Variants in SLC9A9 observed in about 807,000 individuals in gnomAD.
The protein encoded by SLC9A9 is sodium/hydrogen exchanger 9.
Under a neutral mutation model 77.8 loss-of-function variants are expected in SLC9A9, and 62 were observed. That is an observed-to-expected ratio of 0.80 (90% CI 0.65 to 0.98). The LOEUF (loss-of-function observed/expected upper bound fraction) is 0.98, where lower values mean the gene tolerates loss of function less well. SLC9A9 is among the 50% of genes least tolerant of loss of function. SLC9A9 has a pLI of 0.00. For synonymous variants in SLC9A9, 320 were observed against 283.5 expected (o/e 1.13, Z -1.29); for missense variants, 775 against 774.9 (o/e 1.00, Z 0.00).
intron 4 of SLC9A9, among the ~76,000 whole-genome samples, chr3:143,712,904 T>C (rs1478437410): frequency 2.0e-5 from 3 of 152,216 alleles, no homozygotes; most frequent in Non-Finnish European, 2.9e-5. Context: ...GTTCTTTGTA[T>C]TGGATCTTGG....
At chr3:143,609,449 G>A (rs1444498648) in intron 6 of SLC9A9, among the ~76,000 whole-genome samples, 1 of 151,974 alleles carries the variant, frequency 6.6e-6, no homozygotes, top group Non-Finnish European at 1.5e-5. Flanking sequence ...CTAGTATTTG[G>A]GCAGCAAGCT....
intron 14 of SLC9A9, among the ~76,000 whole-genome samples, chr3:143,295,218 T>C (rs2030210247): frequency 6.6e-6 from 1 of 152,212 alleles, no homozygotes; most frequent in Admixed American, 6.5e-5. Context: ...GAGTTCTGAG[T>C]AGCAACAATT....
At chr3:143,450,118 T>C (rs919050797) in intron 12 of SLC9A9, among the ~76,000 whole-genome samples, 13 of 125,634 alleles carry the variant, frequency 1.0e-4, no homozygotes, top group South Asian at 2.2e-4. Flanking sequence ...TATTATATTA[T>C]ATATTATAAT....
chr3:143,421,947 T>C (rs529448744), intron 12 of SLC9A9, among the ~76,000 whole-genome samples: 81 of 152,284 alleles, frequency 5.3e-4, no homozygotes, highest in African/African-American at 1.9e-3. Flanking sequence ...CAGAAACTTT[T>C]CAAGAGAAGA....
intron 12 of SLC9A9, among the ~76,000 whole-genome samples, chr3:143,413,348 T>C (rs1021947407): frequency 2.0e-5 from 3 of 152,202 alleles, no homozygotes; most frequent in Non-Finnish European, 4.4e-5. Flanking sequence ...AGATGCATTA[T>C]GCTGAGAGGT....
intron 5 of SLC9A9, among the ~76,000 whole-genome samples, chr3:143,659,196 GA>G (rs1936206582): frequency 6.6e-6 from 1 of 151,746 alleles, no homozygotes; most frequent in African/African-American, 2.4e-5. Context: ...TACAAATCAT[GA>G]AAAAACATTA....
chr3:143,838,748 A>C (rs1357909970), intron 1 of SLC9A9, among the ~76,000 whole-genome samples: 1 of 152,198 alleles, frequency 6.6e-6, no homozygotes, highest in Non-Finnish European at 1.5e-5. Context: ...TTATTATTTC[A>C]GTCACTCAGA....
chr3:143,400,136 C>G (rs528428068), intron 12 of SLC9A9, among the ~76,000 whole-genome samples: 1 of 152,174 alleles, frequency 6.6e-6, no homozygotes, highest in South Asian at 2.1e-4. Flanking sequence ...AAACGTGCAG[C>G]TGGAATAAAT....
intron 4 of SLC9A9, among the ~76,000 whole-genome samples, chr3:143,716,612 G>T (rs549676567): frequency 6.6e-6 from 1 of 152,206 alleles, no homozygotes; most frequent in Non-Finnish European, 1.5e-5. Flanking sequence ...CTCAGAAAAA[G>T]CACACTATGG....
chr3:143,340,797 A>G (rs1028788701), intron 14 of SLC9A9, among the ~76,000 whole-genome samples: 1 of 152,210 alleles, frequency 6.6e-6, no homozygotes, highest in Non-Finnish European at 1.5e-5. Flanking sequence ...CCAGAAATCT[A>G]TCTCCAGACA....
chr3:143,556,957 T>C (rs562246986), intron 8 of SLC9A9, among the ~76,000 whole-genome samples: 75 of 152,314 alleles, frequency 4.9e-4, no homozygotes, highest in South Asian at 6.2e-4. Context: ...CTCTTTTCAG[T>C]TGTACCTATG....
At chr3:143,587,594 G>C (rs1221802670) in intron 6 of SLC9A9, among the ~76,000 whole-genome samples, 1 of 152,244 alleles carries the variant, frequency 6.6e-6, no homozygotes, top group African/African-American at 2.4e-5. Flanking sequence ...GCCGGGCCAG[G>C]GCCATGTCTT....
intron 9 of SLC9A9, among the ~76,000 whole-genome samples, chr3:143,551,847 C>A (rs2036892556): frequency 6.6e-6 from 1 of 152,124 alleles, no homozygotes; most frequent in Non-Finnish European, 1.5e-5. Context: ...GGCTGTGCAG[C>A]AAATGTCTGT....
At chr3:143,665,636 A>G (rs1170188485) in intron 5 of SLC9A9, among the ~76,000 whole-genome samples, 2 of 152,228 alleles carry the variant, frequency 1.3e-5, no homozygotes, top group African/African-American at 4.8e-5. Flanking sequence ...ACAATAAAAA[A>G]TGATAAAGGG....
At chr3:143,779,189 T>C (rs1317622533) in intron 4 of SLC9A9, among the ~76,000 whole-genome samples, 2 of 152,240 alleles carry the variant, frequency 1.3e-5, no homozygotes, top group East Asian at 1.9e-4. Context: ...AACTTTACTG[T>C]TGTTTTGAAT....
chr3:143,827,917 C>T (rs1015455989), intron 2 of SLC9A9, among the ~76,000 whole-genome samples: 1 of 152,212 alleles, frequency 6.6e-6, no homozygotes, highest in African/African-American at 2.4e-5. Flanking sequence ...TCAACTCTGA[C>T]CTCCCTGCAC....
In SLC9A9 at chr3:143,444,902, G is replaced by C. The variant is rs577106146; in HGVS notation, c.1469+22135C>G. On this transcript the variant is annotated intron_variant, in intron 12 of 15. Transcript: ENST00000316549. The stretch of plus-strand genomic sequence containing the variant: ...AGCTGGCCCATGTGGGCATTTGTGA[G>C]GTCTCTTCAGGGTTCCGTCTACCCC... Among the ~76,000 whole-genome samples the C allele has an allele frequency of 3.3e-5, 5 of 152,266 alleles. No homozygotes were observed. In the South Asian group the frequency reaches 1.0e-3, roughly 32 times the overall value.
chr3:143,431,046 A>G lies in SLC9A9; in HGVS notation c.1469+35991T>C, dbSNP rs545575435. 2.2e-4 allele frequency among the ~76,000 whole-genome samples: 33 copies of G among 152,290 alleles called. No homozygotes were observed. The South Asian group carries it at 3.7e-3, about 17-fold the overall frequency. ...CTCTAGGTTTCCTAATACATGAGAA[A>G]AATAAGAACCTATTTGTTTAGGCCA... On this transcript the variant is annotated intron_variant, in intron 12 of 15. Transcript: ENST00000316549.
chr3:143,537,378 C>G (rs1317061689), intron 9 of SLC9A9, among the ~76,000 whole-genome samples: 1 of 152,196 alleles, frequency 6.6e-6, no homozygotes, highest in Non-Finnish European at 1.5e-5. Context: ...GAGCCTGGAG[C>G]TGCCCATCCC....
Sources: allele counts gnomAD v4.1 joint callset (sites outside exome capture counted in the v4.1 genomes callset), GRCh38; gene constraint gnomAD v4.1.1; transcripts MANE v1.5; gene names NCBI Gene and HGNC (gene_info 2026-07-23, HGNC 2026-07-21).